The following HMCN2 variants were observed in gnomAD, a reference collection of about 807,000 sequenced individuals.
HMCN2 encodes the protein hemicentin 2.
A neutral mutation model predicts 377.5 loss-of-function variants in HMCN2; 325 were observed. The ratio of observed to expected loss-of-function variants is 0.86; its 90% CI spans 0.79 to 0.94. The LOEUF is 0.94. Ranked by LOEUF, HMCN2 falls within the 40% of genes least tolerant of loss-of-function variation. HMCN2 has a pLI of 0.00. For missense variants in HMCN2, 4,543 were observed against 4,725.3 expected, an observed-to-expected ratio of 0.96 and a Z score of 1.13; for synonymous variants, 2,007 against 2,046.8, an observed-to-expected ratio of 0.98 and a Z score of 0.53.
At chr9:130,343,964 C>G (rs1264824610) in intron 25 of HMCN2, among the ~76,000 whole-genome samples, 5 of 152,354 alleles carry the variant, frequency 3.3e-5, no homozygotes, top group East Asian at 3.9e-4. Flanking sequence ...AGCCTGGACA[C>G]CCACTTGGTG....
chr9:130,279,648 C>T (rs376218108), intron 1 of HMCN2, among the ~76,000 whole-genome samples: 6 of 152,080 alleles, frequency 3.9e-5, no homozygotes, highest in Non-Finnish European at 8.8e-5. Context: ...CCACCGTGCC[C>T]GGCCCTCAAC....
At chr9:130,325,008 A>G (rs1838051227) in intron 19 of HMCN2, among the ~76,000 whole-genome samples, 2 of 151,292 alleles carry the variant, frequency 1.3e-5, no homozygotes, top group African/African-American at 4.9e-5. Context: ...TGCCCTAAAA[A>G]TCCTCTGGGC....
intron 54 of HMCN2, among the ~76,000 whole-genome samples, chr9:130,381,550 G>A (rs1841723080): frequency 1.3e-5 from 2 of 152,124 alleles, no homozygotes; most frequent in African/African-American, 2.4e-5. Flanking sequence ...TGTATTTTTA[G>A]TAGAGATGGG....
chr9:130,396,446 G>A (rs1842612629), intron 73 of HMCN2, 133 bp downstream of exon 73: 1 of 659,296 alleles, frequency 1.5e-6, no homozygotes, highest in South Asian at 1.8e-5. Flanking sequence ...CAGAACACAA[G>A]GACAGGCCCA....
In HMCN2 at chr9:130,356,002, A is replaced by G. The variant is rs979686944; in HGVS notation, c.5256-86A>G. The G allele has an allele frequency of 7.2e-6, 7 of 975,592 alleles. No individual in the cohort carries two copies. In the Admixed American group the frequency reaches 1.8e-4, roughly 25 times the overall value. 60.4% of individuals were successfully genotyped at this position (975,592 alleles called of 1,614,324 possible). On this transcript the variant is annotated intron_variant, in intron 33 of 97. Transcript: ENST00000683500. ...GCCACGGCTGGTGAGAGCAGGTGGG[A>G]GGAACTTCTAGGTTTCCTGCTTGTC...
At chr9:130,346,453 G>T (rs1319087974) in intron 25 of HMCN2, among the ~76,000 whole-genome samples, 1 of 151,568 alleles carries the variant, frequency 6.6e-6, no homozygotes, top group Non-Finnish European at 1.5e-5. Flanking sequence ...GCTGGGGGAT[G>T]TGGCACTCAC....
In HMCN2 at chr9:130,395,996, G is replaced by A. The variant is rs1156518659; in HGVS notation, c.10984G>A (p.Gly3662Ser). Residue 3662 changes from glycine to serine, a missense_variant, in exon 72 of 98, where the codon GGC becomes AGC. Gly to Ser is a moderately conservative substitution (Grantham distance 56). This residue lies in a region of HMCN2 where 1,073 missense variants were observed against 1,319.5 expected (regional missense o/e 0.81). Transcript: ENST00000683500. The stretch of plus-strand genomic sequence containing the variant: ...GCAGGCCCTGAGCACGGCTGACAGC[G>A]GCGACTACAGCTGCACAGCCCGCAA... ...QLQALSTADS[G>S]DYSCTARNAA... 12 of 1,287,586 alleles carry A rather than the reference G, an allele frequency of 9.3e-6. No individual in the cohort carries two copies. Among genetic ancestry groups the A allele is most frequent in the South Asian group, 4.9e-5 (4 of 80,932 alleles). The allele number at this position is 1,287,586 out of a possible 1,614,324, so 79.8% of individuals were successfully genotyped here. A position where few individuals can be genotyped will look rare whatever the true frequency, so the allele number is the denominator to read the frequency against.
At chr9:130,425,656 T>TCCTCCTCC in intron 89 of HMCN2, 31 bp from the exon 90 acceptor site, 1 of 330,036 alleles carries the variant, frequency 3.0e-6, no homozygotes, top group South Asian at 2.6e-5. Context: ...CCCCCACCCC[T>TCCTCCTCC]CCTCCTCCTC....
chr9:130,314,575 C>G (rs1384875012), intron 15 of HMCN2, among the ~76,000 whole-genome samples: 2 of 152,198 alleles, frequency 1.3e-5, no homozygotes, highest in Admixed American at 1.3e-4. Flanking sequence ...GAAAAGTGGT[C>G]CCCGAGTCCT....
intron 4 of HMCN2, among the ~76,000 whole-genome samples, chr9:130,293,511 C>T (rs1554930833): frequency 6.6e-6 from 1 of 151,950 alleles, no homozygotes; most frequent in African/African-American, 2.4e-5. Flanking sequence ...CTCCCTTCCT[C>T]TCCCTCTGTC....
rs113506042 is a variant in HMCN2, at chr9:130,393,155, CCTCT to C, written c.10137-47_10137-44del. The C allele has an allele frequency of 1.1e-6, 1 of 924,480 alleles. No individual in the cohort carries two copies. The highest frequency in any genetic ancestry group is 5.0e-5 in the South Asian group (1 of 20,186). 57.3% of individuals were successfully genotyped at this position (924,480 alleles called of 1,614,324 possible). A position where few individuals can be genotyped will look rare whatever the true frequency, so the allele number is the denominator to read the frequency against. ...TCTCCTGTCTCTCTCCCTTTCTCTT[CCTCT>C]CTCTCTCTCCCTTTCTCTTGTCTCC... On this transcript the variant is annotated intron_variant, in intron 66 of 97. Transcript: ENST00000683500. The surrounding 1 kb of genome is among the most constrained non-coding windows in gnomAD (Gnocchi z 5.2).
intron 14 of HMCN2, among the ~76,000 whole-genome samples, chr9:130,309,671 A>G (rs1564772509): frequency 6.6e-6 from 1 of 151,994 alleles, no homozygotes; most frequent in Non-Finnish European, 1.5e-5. Flanking sequence ...TTCTTGGATG[A>G]TGAGCCTTGT....
Position 130,385,607 on chromosome 9 carries a change from C to T in HMCN2, c.9154C>T (p.Leu3052=). The T allele has an allele frequency of 7.7e-7, 1 of 1,304,204 alleles. No homozygotes were observed. The highest frequency in any genetic ancestry group is 1.0e-6 in the Non-Finnish European group (1 of 988,904). The allele number at this position is 1,304,204 out of a possible 1,614,324, so 80.8% of individuals were successfully genotyped here. Residue 3052 remains leucine, a synonymous_variant, in exon 60 of 98, where the codon CTG becomes TTG. Transcript: ENST00000683500. ...QAPRGPQDAV[L]VRVGDKAVLS... is the part of the protein sequence containing the mutation. Reference sequence around the variant, plus strand: ...TCCCAGAGGTCCCCAGGATGCGGTCCTGGTGAGGGTCGGGGACAAAGCTGT... The same window carrying T: ...TCCCAGAGGTCCCCAGGATGCGGTCTTGGTGAGGGTCGGGGACAAAGCTGT...
At chr9:130,400,607 C>A in intron 76 of HMCN2, 176 bp from the exon 77 acceptor site, 2 of 264,870 alleles carry the variant, frequency 7.6e-6, no homozygotes, top group Non-Finnish European at 1.4e-5. Flanking sequence ...AAACTATAGC[C>A]CCGTGCCCAG....
intron 2 of HMCN2, 21 bp downstream of exon 2, chr9:130,284,694 T>C (rs1554926963): frequency 2.1e-6 from 1 of 471,072 alleles, no homozygotes. Context: ...CCTGACCCTC[T>C]GTCCCACTCT....
chr9:130,430,364 C>T lies in HMCN2; in HGVS notation c.14407C>T (p.Pro4803Ser). The change falls in exon 95 of 98, where the codon CCC (proline) becomes TCC (serine). Residue 4803 changes from proline to serine, a missense_variant. Around this residue, in one of 5 missense-constraint regions of HMCN2, gnomAD observed 1,155 missense variants for 1,157.7 expected, o/e 1.00. Transcript: ENST00000683500. ...NLQGSYRCLC[P>S]PGQTLLRDGK... ...CCAGGGCAGCTACCGCTGCCTGTGC[C>T]CCCCAGGCCAGACCCTCCTTCGCGA... The T allele has an allele frequency of 6.5e-7, 1 of 1,549,564 alleles. No homozygotes were observed. The highest frequency in any genetic ancestry group is 1.2e-5 in the South Asian group (1 of 84,066).
chr9:130,315,623 G>T (rs2131384224), intron 15 of HMCN2, among the ~76,000 whole-genome samples: 1 of 151,422 alleles, frequency 6.6e-6, no homozygotes, highest in South Asian at 2.1e-4. Flanking sequence ...CGGGAGCCAG[G>T]GACAGTATCC....
chr9:130,339,515 C>T (rs1838937609), intron 23 of HMCN2, among the ~76,000 whole-genome samples: 1 of 152,160 alleles, frequency 6.6e-6, no homozygotes, highest in Admixed American at 6.5e-5. Context: ...ATAAGCAGGG[C>T]CTCAACGTTG....
rs765233110 is a variant in HMCN2, at chr9:130,432,390, T to C, written c.14768-39T>C. ...CCCCCCTTCTCCTTTGCTCCATCTTTTCATCTCCCTCCCCCGCTTCACCAA... is the reference window on the plus strand; with the variant it reads ...CCCCCCTTCTCCTTTGCTCCATCTTCTCATCTCCCTCCCCCGCTTCACCAA... On this transcript the variant is annotated intron_variant, in intron 96 of 97. Transcript: ENST00000683500. 10 of 1,549,972 alleles carry C rather than the reference T, an allele frequency of 6.5e-6. No individual in the cohort carries two copies. In the Admixed American group the frequency reaches 1.6e-4, roughly 24 times the overall value.
Sources: allele counts gnomAD v4.1 joint callset (sites outside exome capture counted in the v4.1 genomes callset), GRCh38; gene constraint gnomAD v4.1.1; regional missense constraint gnomAD v4.1.1; non-coding constraint Gnocchi (gnomAD v3.1); transcripts MANE v1.5; gene names NCBI Gene and HGNC (gene_info 2026-07-23, HGNC 2026-07-21).